KCNH6: variants seen among roughly 807,000 people sequenced by gnomAD.
The protein encoded by KCNH6 is voltage-gated inwardly rectifying potassium channel KCNH6.
A neutral mutation model predicts 83.4 loss-of-function variants in KCNH6; 81 were observed. The ratio of observed to expected loss-of-function variants is 0.97; its 90% CI spans 0.81 to 1.17. KCNH6 has a LOEUF of 1.17. Among genes scored for constraint, KCNH6 ranks in the 50% most tolerant of loss-of-function variants. The probability of loss-of-function intolerance (pLI) is 0.00; values close to 1 mark genes in which losing one functional copy is unlikely to be tolerated. For synonymous variants in KCNH6, 503 were observed against 545.6 expected (o/e 0.92, Z 1.09); for missense variants, 1,203 against 1,290.5 (o/e 0.93, Z 1.04).
In KCNH6 at chr17:63,539,527, T is replaced by C. The variant is rs1036223389; in HGVS notation, c.1954+865T>C. 2.0e-4 allele frequency among the ~76,000 whole-genome samples: 30 copies of C among 152,352 alleles called. 1 individual carries two copies. The highest frequency in any genetic ancestry group is 7.0e-4 in the African/African-American group (29 of 41,578). On this transcript the variant is annotated intron_variant, in intron 8 of 12. Transcript: ENST00000314672. Reference sequence around the variant, plus strand: ...TGGGCATGGCCGCCCTAGTATTCTATGAACAGATCAAACTCAATGTATCCC... The same window carrying C: ...TGGGCATGGCCGCCCTAGTATTCTACGAACAGATCAAACTCAATGTATCCC...
rs777529564 is a variant in KCNH6, at chr17:63,538,194, C to T, written c.1631C>T (p.Pro544Leu). 9 of 1,614,216 alleles carry T rather than the reference C, an allele frequency of 5.6e-6. No individual in the cohort carries two copies. The South Asian group carries it at 9.9e-5, about 18-fold the overall frequency. ...EFIRFHQIPN[P>L]LRQRLEEYFQ... ...ATCCGCTTCCACCAGATCCCCAACCCACTGCGCCAGCGCCTGGAGGAGTAT... is the reference window on the plus strand; with the variant it reads ...ATCCGCTTCCACCAGATCCCCAACCTACTGCGCCAGCGCCTGGAGGAGTAT... Residue 544 changes from proline (P) to leucine (L), a missense_variant, in exon 7 of 13, where the codon CCA becomes CTA. Coordinates refer to ENST00000314672, the MANE Select transcript of KCNH6 (RefSeq NM_001278919.2). The surrounding 1 kb of genome is among the most constrained non-coding windows in gnomAD (Gnocchi z 4.0).
At chr17:63,524,058 C>A (rs1475027457) in intron 1 of KCNH6, 81 bp from the exon 2 acceptor site, 23 of 981,662 alleles carry the variant, frequency 2.3e-5, no homozygotes, top group Non-Finnish European at 3.6e-5. Flanking sequence ...CTTACTGCCA[C>A]CAAGAGTCCT....
chr17:63,540,399 T>TAAA lies in KCNH6; in HGVS notation c.1954+1737_1954+1738insAAA, dbSNP rs2032790093. ...GTAAACCAAGATCACGCCACTGTAC[T>TAAA]CCAGCCTGGGTGGCAGAGCGAGACT... On this transcript the variant is annotated intron_variant, in intron 8 of 12. Coordinates refer to ENST00000314672, the MANE Select transcript of KCNH6 (RefSeq NM_001278919.2). Among the ~76,000 whole-genome samples, 11 of 151,908 alleles carry TAAA rather than the reference T, an allele frequency of 7.2e-5. 1 individual carries two copies. The highest frequency in any genetic ancestry group is 5.9e-4 in the Admixed American group (9 of 15,274).
At chr17:63,537,836 C>T (rs2032594865) in intron 6 of KCNH6, among the ~76,000 whole-genome samples, 1 of 152,194 alleles carries the variant, frequency 6.6e-6, no homozygotes, top group Non-Finnish European at 1.5e-5. Flanking sequence ...GGAGTTTGAC[C>T]GCTAGGCCCA....
At chr17:63,536,952 CAAAAAAAAA>C (rs60039258) in intron 6 of KCNH6, among the ~76,000 whole-genome samples, 49 of 56,534 alleles carry the variant, frequency 8.7e-4, no homozygotes, top group South Asian at 1.7e-3. Context: ...GACTCCGTCT[CAAAAAAAAA>C]AAAAAAAAAA....
At chr17:63,543,948 G>A in intron 10 of KCNH6, 1 of 902,396 alleles carries the variant, frequency 1.1e-6, no homozygotes, top group Non-Finnish European at 1.7e-6. Flanking sequence ...AAGGCATCAG[G>A]GGGGCCACTG....
chr17:63,533,339 G>GA lies in KCNH6; in HGVS notation c.676-546dup, dbSNP rs1398838676. On this transcript the variant is annotated intron_variant, in intron 4 of 12. Transcript: ENST00000314672. The surrounding 1 kb of genome is among the most constrained non-coding windows in gnomAD (Gnocchi z 4.1). ...AGGTTGGCTACACCCCTACCCCATG[G>GA]ACTCTTTCCATGGGAGGCTCTGAGT... Among the ~76,000 whole-genome samples the GA allele has an allele frequency of 6.6e-6, 1 of 152,096 alleles. No homozygotes were observed. The highest frequency in any genetic ancestry group is 1.5e-5 in the Non-Finnish European group (1 of 67,992).
chr17:63,527,435 C>G (rs568621743), intron 2 of KCNH6, among the ~76,000 whole-genome samples: 1 of 152,260 alleles, frequency 6.6e-6, no homozygotes, highest in South Asian at 2.1e-4. Context: ...TGCTGGGAAA[C>G]TGAACGAAGG....
chr17:63,524,338 C>T lies in KCNH6; in HGVS notation c.276C>T (p.Cys92=), dbSNP rs771836900. Residue 92 remains cysteine (C), a synonymous_variant, in exon 2 of 13, where the codon TGC becomes TGT. Coordinates refer to ENST00000314672, the MANE Select transcript of KCNH6 (RefSeq NM_001278919.2). The part of the protein sequence containing the change: ...LAQALLGAEE[C]KVDILYYRKD... ...AGGCCCTGCTGGGGGCTGAGGAGTG[C>T]AAGGTGGACATCCTCTACTACCGCA... 3 of 1,613,788 alleles carry T rather than the reference C, an allele frequency of 1.9e-6. No individual in the cohort carries two copies. Among genetic ancestry groups the T allele is most frequent in the Admixed American group, 1.7e-5 (1 of 60,022 alleles).
intron 2 of KCNH6, among the ~76,000 whole-genome samples, chr17:63,529,195 T>C (rs577599719): frequency 6.6e-5 from 10 of 152,306 alleles, no homozygotes; most frequent in African/African-American, 1.9e-4. Flanking sequence ...AGCCAGACCC[T>C]GGAGGGGCAG....
At position 63,535,819 on chromosome 17, in the gene KCNH6, AT is replaced by A. The variant is rs748627007; in HGVS notation, c.1253del (p.Ile418ThrfsTer13). The part of the protein sequence containing the change: ...FALIAHWLAC[I>X]WYAIGNVERP... ...GCTCATAGCGCACTGGCTGGCCTGC[AT>A]CTGGTACGCCATCGGCAATGTGGAG... On this transcript the variant is annotated frameshift_variant, in exon 6 of 13. Coordinates refer to ENST00000314672, the MANE Select transcript of KCNH6 (RefSeq NM_001278919.2). LOFTEE classifies it high-confidence loss of function. The surrounding 1 kb of genome is among the most constrained non-coding windows in gnomAD (Gnocchi z 4.9). 2.5e-6 allele frequency: 4 copies of A among 1,614,090 alleles called. No homozygotes were observed. The African/African-American group carries it at 5.3e-5, about 22-fold the overall frequency.
chr17:63,530,598 C>T, intron 4 of KCNH6, 56 bp downstream of exon 4: 2 of 1,538,316 alleles, frequency 1.3e-6, no homozygotes, highest in South Asian at 2.2e-5. Context: ...AGGGTCCCCT[C>T]CCAGGCTCTG....
In KCNH6 at chr17:63,543,678, C is replaced by T. The variant is rs372195916; in HGVS notation, c.2233+18C>T. ...CCAGTCAGGTGAGCAAAGCCAGCCC[C>T]CACCCCCACCAGCCTGTAGCCCCTG... is the stretch of plus-strand genomic sequence containing the variant. On this transcript the variant is annotated intron_variant, in intron 10 of 12. Transcript: ENST00000314672. 1.5e-5 allele frequency: 23 copies of T among 1,520,124 alleles called. No individual in the cohort carries two copies. Among genetic ancestry groups the T allele is most frequent in the East Asian group, 9.0e-5 (4 of 44,426 alleles). 94.2% of individuals were successfully genotyped at this position (1,520,124 alleles called of 1,614,324 possible). A position where few individuals can be genotyped will look rare whatever the true frequency, so the allele number is the denominator to read the frequency against.
intron 8 of KCNH6, among the ~76,000 whole-genome samples, chr17:63,539,112 G>T (rs2032715593): frequency 6.6e-6 from 1 of 152,166 alleles, no homozygotes; most frequent in African/African-American, 2.4e-5. Flanking sequence ...CACTGGGCAG[G>T]GGGGACAGAC....
rs1476864361 is a variant in KCNH6, at chr17:63,533,197, C to T, written c.676-689C>T. 3.3e-5 allele frequency among the ~76,000 whole-genome samples: 4 copies of T among 122,358 alleles called. No individual in the cohort carries two copies. Among genetic ancestry groups the T allele is most frequent in the South Asian group, 3.0e-4 (1 of 3,322 alleles). The allele number at this position is 122,358 out of a possible 152,430, so 80.3% of individuals were successfully genotyped here. A position where few individuals can be genotyped will look rare whatever the true frequency, so the allele number is the denominator to read the frequency against. ...CCTGGGTTGATCACAGTCTTGGAGG[C>T]GGGGGCGGGAGGGGAGAAGGGAGAA... On this transcript the variant is annotated intron_variant, in intron 4 of 12. Coordinates refer to ENST00000314672, the MANE Select transcript of KCNH6 (RefSeq NM_001278919.2). This position sits in a 1 kb window ranked among gnomAD's most constrained non-coding sequence, Gnocchi z 4.1.
At position 63,538,733 on chromosome 17, in the gene KCNH6, GC is replaced by G; in HGVS notation, c.1954+74del. On this transcript the variant is annotated intron_variant, in intron 8 of 12. Transcript: ENST00000314672. The surrounding 1 kb of genome is among the most constrained non-coding windows in gnomAD (Gnocchi z 4.0). ...AAGAGGGCGGGATTGGAGATGCCCT[GC>G]CCAGGCCACCCTCTTCCTGATGAGG... The G allele has an allele frequency of 7.0e-7, 1 of 1,432,462 alleles. No individual in the cohort carries two copies. Among genetic ancestry groups the G allele is most frequent in the Non-Finnish European group, 9.4e-7 (1 of 1,060,418 alleles). 88.7% of individuals were successfully genotyped at this position (1,432,462 alleles called of 1,614,324 possible).
rs1257498566 is a variant in KCNH6 at position 63,544,351 on chromosome 17, C to T, written c.2336C>T (p.Pro779Leu). ...AGCCCCCAAAGCCCTCAGGAAGACCCAGATTGCTGGCCTCTGAAGCTGGGC... is the reference window on the plus strand; with the variant it reads ...AGCCCCCAAAGCCCTCAGGAAGACCTAGATTGCTGGCCTCTGAAGCTGGGC... ...RHSPQSPQEDPDCWPLKLGSR... is the reference protein window; with the variant it reads ...RHSPQSPQEDLDCWPLKLGSR... Residue 779 changes from proline to leucine, a missense_variant, in exon 11 of 13, where the codon CCA becomes CTA. Pro to Leu is a moderately conservative substitution (Grantham distance 98). Transcript: ENST00000314672. 1 of 1,611,660 alleles carries T rather than the reference C, an allele frequency of 6.2e-7. No individual in the cohort carries two copies. Among genetic ancestry groups the T allele is most frequent in the African/African-American group, 1.3e-5 (1 of 74,864 alleles).
chr17:63,542,212 G>A (rs774307747), intron 8 of KCNH6, 29 bp from the exon 9 acceptor site: 19 of 1,610,290 alleles, frequency 1.2e-5, no homozygotes, highest in Non-Finnish European at 2.5e-6. Flanking sequence ...GTCAGACCCT[G>A]AAGAGACTCC....
intron 8 of KCNH6, among the ~76,000 whole-genome samples, chr17:63,539,923 T>C (rs1486030687): frequency 6.6e-6 from 1 of 152,132 alleles, no homozygotes. Context: ...TCCCCAGTTA[T>C]CCCAATCCGA....
Sources: gnomAD v4.1 joint callset for allele counts (sites outside exome capture counted in the v4.1 genomes callset) on GRCh38, gnomAD v4.1.1 for gene constraint, Gnocchi (gnomAD v3.1) non-coding constraint, MANE v1.5 for transcripts, NCBI Gene and HGNC (gene_info 2026-07-23, HGNC 2026-07-21) for gene names.